Variants in TNRC6B observed in about 807,000 individuals in gnomAD.
TNRC6B encodes the protein trinucleotide repeat-containing gene 6B protein.
Under a neutral mutation model 203.6 loss-of-function variants are expected in TNRC6B, and 52 were observed. That is an observed-to-expected ratio of 0.26 (90% confidence interval 0.20 to 0.32). The LOEUF (loss-of-function observed/expected upper bound fraction) is 0.32. Ranked by LOEUF, TNRC6B falls within the 10% of genes least tolerant of loss-of-function variation. The probability of loss-of-function intolerance (pLI) is 1.00; values close to 1 mark genes in which losing one functional copy is unlikely to be tolerated. For missense variants in TNRC6B, 1,923 were observed against 2,286.2 expected, an observed-to-expected ratio of 0.84 and a Z score of 3.24; for synonymous variants, 838 against 845.7, an observed-to-expected ratio of 0.99 and a Z score of 0.16.
chr22:40,303,907 C>T (rs943146600), intron 15 of TNRC6B, among the ~76,000 whole-genome samples: 2 of 152,138 alleles, frequency 1.3e-5, no homozygotes, highest in African/African-American at 2.4e-5. Context: ...AAGACTCCGT[C>T]TCAAAAATAA....
chr22:40,203,254 C>T (rs942293051), intron 1 of TNRC6B, among the ~76,000 whole-genome samples: 1 of 152,106 alleles, frequency 6.6e-6, no homozygotes, highest in Non-Finnish European at 1.5e-5. Flanking sequence ...TATGTCACAG[C>T]ATGCCAGGCT....
intron 2 of TNRC6B, among the ~76,000 whole-genome samples, chr22:40,123,827 T>C (rs984894651): frequency 8.6e-5 from 13 of 151,672 alleles, no homozygotes. Flanking sequence ...AAATTACACA[T>C]AAAATCTTTC....
At chr22:40,054,241 A>G (rs1425292446) in intron 1 of TNRC6B, among the ~76,000 whole-genome samples, 1 of 152,216 alleles carries the variant, frequency 6.6e-6, no homozygotes, top group Non-Finnish European at 1.5e-5. Flanking sequence ...AGTGAGGCCT[A>G]AAGACCCTGA....
intron 4 of TNRC6B, among the ~76,000 whole-genome samples, chr22:40,170,567 T>TTA (rs1292851956): frequency 1.3e-5 from 1 of 75,622 alleles, no homozygotes; most frequent in Non-Finnish European, 2.2e-5. Context: ...TTTATATATA[T>TTA]TATATATATA....
intron 3 of TNRC6B, among the ~76,000 whole-genome samples, chr22:40,258,071 C>CTTTTTTTTTTTTTTTTTTTTTTTTTT (rs56078653): frequency 3.5e-5 from 1 of 28,714 alleles, no homozygotes; most frequent in South Asian, 1.7e-3. Context: ...GATACACAGC[C>CTTTTTTTTTTTTTTTTTTTTTTTTTT]TTTTTTTTTT....
chr22:40,277,391 A>T (rs1415694437), intron 8 of TNRC6B, among the ~76,000 whole-genome samples: 2 of 152,196 alleles, frequency 1.3e-5, no homozygotes, highest in Non-Finnish European at 2.9e-5. Flanking sequence ...CCTTAGGAGG[A>T]TAGAGAAGAA....
intron 2 of TNRC6B, among the ~76,000 whole-genome samples, chr22:40,121,247 C>T (rs2068442352): frequency 6.6e-6 from 1 of 151,930 alleles, no homozygotes; most frequent in African/African-American, 2.4e-5. Context: ...CCCTTCCGTC[C>T]TTCCTTCCTT....
chr22:40,145,299 T>A (rs569758774), intron 3 of TNRC6B, among the ~76,000 whole-genome samples: 6 of 151,890 alleles, frequency 4.0e-5, no homozygotes, highest in Admixed American at 3.9e-4. Context: ...ACACTTAAAG[T>A]GTGTGTATTT....
At chr22:40,146,657 C>G (rs1261900598) in intron 3 of TNRC6B, among the ~76,000 whole-genome samples, 3 of 151,132 alleles carry the variant, frequency 2.0e-5, no homozygotes, top group South Asian at 4.2e-4. Flanking sequence ...ACCTCCTCCC[C>G]CTAGCAGTTC....
chr22:40,190,956 A>G (rs1179816319), intron 1 of TNRC6B, among the ~76,000 whole-genome samples: 1 of 152,236 alleles, frequency 6.6e-6, no homozygotes, highest in Non-Finnish European at 1.5e-5. Context: ...CAAGAAGGTA[A>G]GAAGACCTAG....
In TNRC6B at chr22:40,253,119, G is replaced by T. The variant is rs2070218316; in HGVS notation, c.115+1919G>T. Among the ~76,000 whole-genome samples, 6 of 148,586 alleles carry T rather than the reference G, an allele frequency of 4.0e-5. No homozygotes were observed. In the South Asian group the frequency reaches 1.3e-3, roughly 32 times the overall value. On this transcript the variant is annotated intron_variant, in intron 3 of 22. Transcript: ENST00000454349. The stretch of plus-strand genomic sequence containing the variant: ...CTTTTTTTCTTTTTTTTTTTTTGAG[G>T]CAGAGTCTCGCTCTGTCACCCAGGC...
At chr22:40,084,041 G>A (rs957595452) in intron 1 of TNRC6B, among the ~76,000 whole-genome samples, 3 of 152,100 alleles carry the variant, frequency 2.0e-5, no homozygotes, top group African/African-American at 7.2e-5. Flanking sequence ...CAAGTTAAAT[G>A]CTTTTTCATC....
chr22:40,223,115 C>T (rs146243615), intron 1 of TNRC6B, among the ~76,000 whole-genome samples: 5 of 151,198 alleles, frequency 3.3e-5, no homozygotes, highest in Admixed American at 2.6e-4. Flanking sequence ...CAGCCAATAG[C>T]ATTTCCTTCT....
chr22:40,126,428 C>T lies in TNRC6B; in HGVS notation c.45+566C>T, dbSNP rs144091095. On this transcript the variant is annotated intron_variant, in intron 3 of 23. Transcript: ENST00000301923. ...CTCTCCCTTTTGGAGTCCCCAGTGT[C>T]CACCGTTTCCATCTTTATGTCCACA... 2.4e-4 allele frequency among the ~76,000 whole-genome samples: 36 copies of T among 152,076 alleles called. No individual in the cohort carries two copies. In the East Asian group the frequency reaches 7.0e-3, roughly 29 times the overall value.
Position 40,301,196 on chromosome 22 carries a change from AG to A in TNRC6B, c.3984del (p.Arg1329GlyfsTer5). The A allele has an allele frequency of 6.5e-7, 1 of 1,549,066 alleles. No homozygotes were observed. The highest frequency in any genetic ancestry group is 1.4e-5 in the African/African-American group (1 of 72,044). ...SALQQQQQQQQRQPGMKHSPS... is the reference protein window; with the variant it reads ...SALQQQQQQQXRQPGMKHSPS... The stretch of plus-strand genomic sequence containing the variant: ...CTGCAGCAGCAGCAGCAGCAGCAGC[AG>A]AGGCAGCCAGGCATGAAGCACTCGC... On this transcript the variant is annotated frameshift_variant, in exon 15 of 23. Coordinates refer to ENST00000454349, the MANE Select transcript of TNRC6B (RefSeq NM_001162501.2). LOFTEE classifies it high-confidence loss of function.
intron 3 of TNRC6B, among the ~76,000 whole-genome samples, chr22:40,134,909 C>T (rs2068585517): frequency 6.6e-6 from 1 of 152,190 alleles, no homozygotes; most frequent in Admixed American, 6.6e-5. Context: ...TTTTATTTCT[C>T]ATAATTCTGT....
intron 4 of TNRC6B, among the ~76,000 whole-genome samples, chr22:40,264,414 C>A (rs987416194): frequency 1.3e-5 from 2 of 152,100 alleles, no homozygotes; most frequent in African/African-American, 4.8e-5. Context: ...ATTGCTATTG[C>A]CTTGTCCCAA....
At chr22:40,204,920 C>CT (rs1569020004) in intron 1 of TNRC6B, among the ~76,000 whole-genome samples, 1 of 152,190 alleles carries the variant, frequency 6.6e-6, no homozygotes, top group Non-Finnish European at 1.5e-5. Context: ...AAATTAATGA[C>CT]ATTAAACACT....
chr22:40,301,481 G>A (rs901980468), intron 15 of TNRC6B, 148 bp downstream of exon 15: 1 of 867,936 alleles, frequency 1.2e-6, no homozygotes. Flanking sequence ...TGAGACATCT[G>A]AGGCTTCTTG....
Sources: gnomAD v4.1 joint callset for allele counts (sites outside exome capture counted in the v4.1 genomes callset) on GRCh38, gnomAD v4.1.1 for gene constraint, MANE v1.5 for transcripts, NCBI Gene and HGNC (gene_info 2026-07-23, HGNC 2026-07-21) for gene names.